LINGO2: variants seen among roughly 807,000 people sequenced by gnomAD.
LINGO2 encodes leucine rich repeat and Ig domain containing 2, also known as leucine-rich repeat and immunoglobulin-like domain-containing nogo receptor-interacting protein 2.
In LINGO2, 14 loss-of-function variants were observed where a neutral mutation model predicts 30.6. That is an observed-to-expected ratio of 0.46 (90% CI 0.30 to 0.72). LINGO2 has a LOEUF of 0.72. LINGO2 is among the 30% of genes least tolerant of loss of function. LINGO2 has a pLI of 0.07. For missense variants in LINGO2, 729 were observed against 751.7 expected (o/e 0.97, Z 0.35); for synonymous variants, 317 against 288.5 (o/e 1.10, Z -1.00).
At chr9:28,361,325 A>G (rs1431195482) in intron 3 of LINGO2, among the ~76,000 whole-genome samples, 1 of 152,112 alleles carries the variant, frequency 6.6e-6, no homozygotes, top group African/African-American at 2.4e-5. Flanking sequence ...AAACTTTTTC[A>G]TAGGTATGTA....
chr9:28,178,208 A>T (rs1003371896), intron 4 of LINGO2, among the ~76,000 whole-genome samples: 1 of 152,244 alleles, frequency 6.6e-6, no homozygotes, highest in East Asian at 1.9e-4. Context: ...AAATCAAGCT[A>T]CAGATACCCG....
At chr9:28,649,933 T>A (rs1828014883) in intron 1 of LINGO2, among the ~76,000 whole-genome samples, 1 of 151,174 alleles carries the variant, frequency 6.6e-6, no homozygotes, top group African/African-American at 2.4e-5. Flanking sequence ...TTCTACAGAG[T>A]TTGGTCAGTA....
chr9:28,802,338 T>A, the LINGO2 span, among the ~76,000 whole-genome samples: 3 of 152,042 alleles, frequency 2.0e-5, no homozygotes, highest in Non-Finnish European at 4.4e-5. Context: ...AAGTTAGGGA[T>A]AGATTTTTGA....
In LINGO2 at chr9:28,581,656, G is replaced by C. The variant is rs928461841; in HGVS notation, c.-365+88544C>G. ...CTTATATGTTCAAAAATAGATTCTT[G>C]TGAATAGATGCTGATTATAATGTAA... On this transcript the variant is annotated intron_variant, in intron 1 of 5. Transcript: ENST00000379992. Among the ~76,000 whole-genome samples, 3 of 151,356 alleles carry C rather than the reference G, an allele frequency of 2.0e-5. No homozygotes were observed. The Admixed American group carries it at 2.0e-4, about 10-fold the overall frequency.
At chr9:27,952,660 C>T (rs1819372700) in intron 5 of LINGO2, among the ~76,000 whole-genome samples, 1 of 151,972 alleles carries the variant, frequency 6.6e-6, no homozygotes. Flanking sequence ...TTAAAGGCGG[C>T]ATTTTAAATC....
the LINGO2 span, among the ~76,000 whole-genome samples, chr9:28,691,268 A>T: frequency 3.9e-5 from 6 of 152,178 alleles, no homozygotes; most frequent in African/African-American, 1.2e-4. Context: ...TTATCCTCAA[A>T]TTCTTAACAT....
chr9:29,041,308 T>G, the LINGO2 span, among the ~76,000 whole-genome samples: 1 of 152,028 alleles, frequency 6.6e-6, no homozygotes, highest in Non-Finnish European at 1.5e-5. Flanking sequence ...AAGGAAGGGT[T>G]TTTGGACACA....
chr9:28,559,374 T>A (rs1822919005), intron 1 of LINGO2, among the ~76,000 whole-genome samples: 1 of 152,140 alleles, frequency 6.6e-6, no homozygotes, highest in African/African-American at 2.4e-5. Context: ...GGAGAATGTT[T>A]CCCTCTGTTA....
At chr9:28,095,413 A>T (rs1406827642) in intron 4 of LINGO2, among the ~76,000 whole-genome samples, 2 of 152,160 alleles carry the variant, frequency 1.3e-5, no homozygotes, top group South Asian at 4.1e-4. Flanking sequence ...CCGCATATCT[A>T]CAACTATCTG....
chr9:28,187,678 T>C (rs1308419209), intron 4 of LINGO2, among the ~76,000 whole-genome samples: 1 of 152,080 alleles, frequency 6.6e-6, no homozygotes, highest in African/African-American at 2.4e-5. Context: ...GAGTTCAAGA[T>C]AAGGGGGGCA....
chr9:28,195,018 A>G (rs1819959205), intron 4 of LINGO2, among the ~76,000 whole-genome samples: 1 of 152,070 alleles, frequency 6.6e-6, no homozygotes, highest in South Asian at 2.1e-4. Flanking sequence ...GGACAAAAAC[A>G]AAACAAAACA....
At chr9:28,959,153 G>C in the LINGO2 span, among the ~76,000 whole-genome samples, 2 of 152,164 alleles carry the variant, frequency 1.3e-5, no homozygotes, top group Non-Finnish European at 1.5e-5. Flanking sequence ...GAGTTGGTTT[G>C]TTGTACAGGT....
At chr9:28,778,434 C>CT in the LINGO2 span, among the ~76,000 whole-genome samples, 1 of 152,062 alleles carries the variant, frequency 6.6e-6, no homozygotes, top group Admixed American at 6.6e-5. Flanking sequence ...CAACTTTTTC[C>CT]TTTACTGAAG....
At chr9:29,206,810 A>G in the LINGO2 span, among the ~76,000 whole-genome samples, 1 of 152,194 alleles carries the variant, frequency 6.6e-6, no homozygotes, top group Non-Finnish European at 1.5e-5. Context: ...TATCCTGAAT[A>G]TCAAATAGAA....
chr9:28,140,707 T>C (rs540383658), intron 4 of LINGO2, among the ~76,000 whole-genome samples: 1 of 152,316 alleles, frequency 6.6e-6, no homozygotes, highest in African/African-American at 2.4e-5. Context: ...CATGGCATTT[T>C]GTACACTCAT....
the LINGO2 span, among the ~76,000 whole-genome samples, chr9:28,731,388 T>C: frequency 2.0e-5 from 3 of 152,176 alleles, no homozygotes; most frequent in African/African-American, 4.8e-5. Context: ...ACTATTGATA[T>C]GCACAATAAC....
intron 4 of LINGO2, among the ~76,000 whole-genome samples, chr9:28,242,260 C>T (rs538634540): frequency 6.4e-4 from 97 of 152,154 alleles, no homozygotes; most frequent in African/African-American, 2.1e-3. Context: ...CTAGAAGAAC[C>T]AGTTCAGATA....
chr9:29,192,073 A>G, the LINGO2 span, among the ~76,000 whole-genome samples: 1 of 152,200 alleles, frequency 6.6e-6, no homozygotes, highest in African/African-American at 2.4e-5. Context: ...TCTATGATAC[A>G]GTTACCCGCA....
chr9:28,574,797 C>G (rs1046414345), intron 1 of LINGO2, among the ~76,000 whole-genome samples: 1 of 152,182 alleles, frequency 6.6e-6, no homozygotes. Flanking sequence ...CCAGCTTCAT[C>G]TCTAGTTGAG....
Sources: gnomAD v4.1 joint callset for allele counts (sites outside exome capture counted in the v4.1 genomes callset) on GRCh38, gnomAD v4.1.1 for gene constraint, MANE v1.5 for transcripts, NCBI Gene and HGNC (gene_info 2026-07-23, HGNC 2026-07-21) for gene names.